Variants in NBN observed in about 807,000 individuals in gnomAD.
The protein encoded by NBN is Nijmegen breakage syndrome 1 (nibrin).
NBN carries 88 observed loss-of-function variants against 90.8 expected under a neutral mutation model. The observed-to-expected ratio is 0.97, with a 90% CI of 0.82 to 1.16. The LOEUF is 1.16. Among genes scored for constraint, NBN ranks in the 50% most tolerant of loss-of-function variants. The pLI is 0.00. For synonymous variants in NBN, 328 were observed against 295.1 expected (o/e 1.11, Z -1.14); for missense variants, 894 against 869.6 (o/e 1.03, Z -0.35).
At chr8:89,983,699 T>C (rs191093031) in intron 1 of NBN, among the ~76,000 whole-genome samples, 6 of 152,298 alleles carry the variant, frequency 3.9e-5, no homozygotes, top group Non-Finnish European at 7.4e-5. Flanking sequence ...TAACAGTATA[T>C]ATATTGGAGA....
At chr8:89,961,405 A>C (rs1461530972) in intron 8 of NBN, among the ~76,000 whole-genome samples, 1 of 152,226 alleles carries the variant, frequency 6.6e-6, no homozygotes, top group Non-Finnish European at 1.5e-5. Flanking sequence ...TGTGGAAACA[A>C]CTGGTTATAT....
chr8:89,941,140 C>A (rs1809928157), intron 14 of NBN, among the ~76,000 whole-genome samples: 1 of 151,922 alleles, frequency 6.6e-6, no homozygotes, highest in Non-Finnish European at 1.5e-5. Flanking sequence ...ATAGAGAGCC[C>A]AGCAAATATA....
At position 89,981,540 on chromosome 8, in the gene NBN, T is replaced by A; in HGVS notation, c.172-17A>T. ...TGTTTGACTCTGAAAAGTTAGCAAA[T>A]AATTTAAAGTCTTTTACCACTCAGT... On this transcript the variant is annotated splice_polypyrimidine_tract_variant and intron_variant, in intron 2 of 15. Transcript: ENST00000265433. 6.2e-7 allele frequency: 1 copy of A among 1,611,744 alleles called. No individual in the cohort carries two copies. The highest frequency in any genetic ancestry group is 8.5e-7 in the Non-Finnish European group (1 of 1,178,614).
chr8:89,983,817 G>A (rs1375644678), intron 1 of NBN, among the ~76,000 whole-genome samples: 1 of 152,016 alleles, frequency 6.6e-6, no homozygotes, highest in Non-Finnish European at 1.5e-5. Flanking sequence ...GGGACGCCTT[G>A]ACCTGTGAGT....
intron 15 of NBN, among the ~76,000 whole-genome samples, chr8:89,936,502 T>C (rs1300029517): frequency 6.7e-6 from 1 of 150,148 alleles, no homozygotes; most frequent in African/African-American, 2.5e-5. Context: ...ATTTTATTAG[T>C]ATTTCAGAGG....
At chr8:89,943,038 C>CTTT (rs10631091) in intron 14 of NBN, among the ~76,000 whole-genome samples, 23 of 139,692 alleles carry the variant, frequency 1.6e-4, no homozygotes, top group African/African-American at 4.7e-4. Flanking sequence ...TAGGTCTCAC[C>CTTT]TTTTTTTTTT....
intron 11 of NBN, among the ~76,000 whole-genome samples, chr8:89,949,445 A>C (rs1215027443): frequency 2.0e-5 from 3 of 152,222 alleles, no homozygotes; most frequent in Admixed American, 6.5e-5. Context: ...AGTACAATGA[A>C]GTGAAGAGGA....
intron 5 of NBN, among the ~76,000 whole-genome samples, chr8:89,971,774 A>G (rs1049423822): frequency 9.8e-5 from 15 of 152,334 alleles, no homozygotes; most frequent in Admixed American, 7.8e-4. Flanking sequence ...TTAAACTTAC[A>G]TTATTTACTC....
chr8:89,954,829 G>A (rs1810621035), intron 10 of NBN, among the ~76,000 whole-genome samples: 1 of 152,162 alleles, frequency 6.6e-6, no homozygotes, highest in Non-Finnish European at 1.5e-5. Context: ...GTAGCTAGAG[G>A]AAGAAACCAG....
chr8:89,976,669 CT>C (rs1563570962), intron 5 of NBN, among the ~76,000 whole-genome samples: 1 of 152,154 alleles, frequency 6.6e-6, no homozygotes, highest in Non-Finnish European at 1.5e-5. Flanking sequence ...GCCCAGCCCC[CT>C]AGCTCACTCT....
intron 4 of NBN, among the ~76,000 whole-genome samples, chr8:89,978,541 C>T (rs1011668792): frequency 2.6e-5 from 4 of 152,136 alleles, no homozygotes; most frequent in African/African-American, 9.7e-5. Context: ...TATAATCACT[C>T]AATTATAAGA....
intron 8 of NBN, among the ~76,000 whole-genome samples, chr8:89,959,522 G>A (rs969706819): frequency 1.5e-4 from 23 of 152,178 alleles, no homozygotes; most frequent in Non-Finnish European, 2.8e-4. Flanking sequence ...GAAGGCTGAG[G>A]CAGGAGGATC....
At position 89,934,087 on chromosome 8, in the gene NBN, T is replaced by C. The variant is rs1237544046; in HGVS notation, c.*1495A>G. 3 of 230,202 alleles carry C rather than the reference T, an allele frequency of 1.3e-5. No individual in the cohort carries two copies. Among genetic ancestry groups the C allele is most frequent in the Admixed American group, 5.7e-5 (1 of 17,690 alleles). The allele number at this position is 230,202 out of a possible 1,614,324, so 14.3% of individuals were successfully genotyped here. On this transcript the variant is annotated 3_prime_UTR_variant, in exon 16 of 16. Coordinates refer to ENST00000265433, the MANE Select transcript of NBN (RefSeq NM_002485.5). ...CTTCCTTAGAAAGGGATTGTGGGCA[T>C]GACAGAGAACAATATTAATCTGTCC...
chr8:89,983,902 T>C (rs143768788), intron 1 of NBN, among the ~76,000 whole-genome samples: 4 of 152,258 alleles, frequency 2.6e-5, no homozygotes, highest in African/African-American at 9.6e-5. Flanking sequence ...AGTCTCTACA[T>C]AGATCTTTGC....
At chr8:89,962,883 C>T (rs1039279123) in intron 8 of NBN, among the ~76,000 whole-genome samples, 14 of 152,206 alleles carry the variant, frequency 9.2e-5, no homozygotes, top group South Asian at 4.1e-4. Flanking sequence ...TTTCTCAAAA[C>T]GTCACACATT....
chr8:89,942,399 G>A (rs944986440), intron 14 of NBN, among the ~76,000 whole-genome samples: 4 of 152,052 alleles, frequency 2.6e-5, no homozygotes, highest in African/African-American at 9.7e-5. Flanking sequence ...TTTTCTAGAG[G>A]AAATACATCT....
chr8:89,946,840 T>C (rs988920764), intron 12 of NBN, among the ~76,000 whole-genome samples: 10 of 152,198 alleles, frequency 6.6e-5, no homozygotes, highest in African/African-American at 2.2e-4. Context: ...TCAAGATTAA[T>C]AGCTGTTAAA....
At chr8:89,937,117 AAT>A in intron 14 of NBN, 42 bp from the exon 15 acceptor site, 1 of 1,583,498 alleles carries the variant, frequency 6.3e-7, no homozygotes, top group South Asian at 1.1e-5. Flanking sequence ...CTCAGTGGTG[AAT>A]ATATAGTTAA....
At chr8:89,981,697 T>G (rs1812078088) in intron 2 of NBN, 174 bp from the exon 3 acceptor site, 1 of 683,502 alleles carries the variant, frequency 1.5e-6, no homozygotes, top group South Asian at 1.9e-5. Flanking sequence ...CAATTCATAT[T>G]TCCCCTTAGG....
Sources: gnomAD v4.1 joint callset for allele counts (sites outside exome capture counted in the v4.1 genomes callset) on GRCh38, gnomAD v4.1.1 for gene constraint, MANE v1.5 for transcripts, NCBI Gene and HGNC (gene_info 2026-07-23, HGNC 2026-07-21) for gene names.